NELL2: variants seen among roughly 807,000 people sequenced by gnomAD.
NELL2 encodes protein kinase C-binding protein NELL2.
In NELL2, 41 loss-of-function variants were observed where a neutral mutation model predicts 109.6. The ratio of observed to expected loss-of-function variants is 0.37; its 90% CI spans 0.29 to 0.49. The LOEUF (loss-of-function observed/expected upper bound fraction) is 0.49. NELL2 is among the 20% of genes least tolerant of loss of function. NELL2 has a pLI of 0.98. For missense variants in NELL2, 900 were observed against 1,008.3 expected, an observed-to-expected ratio of 0.89 and a Z score of 1.45; for synonymous variants, 355 against 344.7, an observed-to-expected ratio of 1.03 and a Z score of -0.33.
intron 2 of NELL2, among the ~76,000 whole-genome samples, chr12:44,853,873 C>A (rs1332050740): frequency 6.6e-6 from 1 of 152,140 alleles, no homozygotes; most frequent in East Asian, 1.9e-4. Flanking sequence ...ACAAAGTCAA[C>A]AGGCTCTCAG....
At chr12:44,912,411 A>C (rs377499) in intron 1 of NELL2, among the ~76,000 whole-genome samples, 44,885 of 151,944 alleles carry the variant, frequency 0.3, 6,983 homozygotes, top group East Asian at 0.44. Context: ...TATTTACTCT[A>C]GGACTTCTCT....
chr12:44,551,239 C>T (rs1592105261), intron 15 of NELL2, among the ~76,000 whole-genome samples: 2 of 152,164 alleles, frequency 1.3e-5, no homozygotes, highest in Non-Finnish European at 2.9e-5. Flanking sequence ...CCTAAGTAAA[C>T]TATTTAAAAT....
At chr12:44,520,254 G>C (rs994187755) in intron 18 of NELL2, 25 bp from the exon 19 acceptor site, 1 of 1,580,742 alleles carries the variant, frequency 6.3e-7, no homozygotes, top group African/African-American at 1.3e-5. Flanking sequence ...GATGTGCAAG[G>C]GCAGAGGGAG....
chr12:44,887,605 T>A (rs1945488144), intron 1 of NELL2, among the ~76,000 whole-genome samples: 1 of 151,794 alleles, frequency 6.6e-6, no homozygotes, highest in Non-Finnish European at 1.5e-5. Context: ...ACCCATTTTT[T>A]AATCAAATTA....
intron 9 of NELL2, among the ~76,000 whole-genome samples, chr12:44,745,916 A>G (rs1940318750): frequency 6.6e-6 from 1 of 152,208 alleles, no homozygotes; most frequent in Non-Finnish European, 1.5e-5. Context: ...CAAGCTACCA[A>G]TGACTTTCTT....
At chr12:44,651,408 A>AT (rs1454727146) in intron 13 of NELL2, among the ~76,000 whole-genome samples, 4 of 152,074 alleles carry the variant, frequency 2.6e-5, no homozygotes, top group Non-Finnish European at 4.4e-5. Flanking sequence ...GATCTAAACA[A>AT]TTTTTTCTGT....
chr12:44,559,248 C>A (rs199723412), intron 15 of NELL2, among the ~76,000 whole-genome samples: 65 of 150,326 alleles, frequency 4.3e-4, no homozygotes, highest in African/African-American at 6.6e-4. Context: ...AGACCATTGA[C>A]ACTATGAAGA....
At chr12:44,731,650 G>C (rs1304735751) in intron 9 of NELL2, among the ~76,000 whole-genome samples, 1 of 151,996 alleles carries the variant, frequency 6.6e-6, no homozygotes, top group African/African-American at 2.4e-5. Context: ...ATACTCAACA[G>C]TGATAAACTA....
chr12:44,896,197 C>CA (rs1461143618), intron 1 of NELL2, among the ~76,000 whole-genome samples: 1 of 152,064 alleles, frequency 6.6e-6, no homozygotes, highest in Non-Finnish European at 1.5e-5. Flanking sequence ...TGCCACTTTA[C>CA]AAAAACTCAT....
chr12:44,836,145 C>CAG (rs1461755723), intron 2 of NELL2, among the ~76,000 whole-genome samples: 3 of 152,174 alleles, frequency 2.0e-5, no homozygotes, highest in Non-Finnish European at 4.4e-5. Flanking sequence ...GAAACTAAAG[C>CAG]AGAAGAACTG....
upstream of NELL2, among the ~76,000 whole-genome samples, chr12:44,918,513 A>ATGTGTG (rs1491464728): frequency 1.1e-3 from 130 of 121,422 alleles, 2 homozygotes; most frequent in East Asian, 0.013. Flanking sequence ...TCATGCATGC[A>ATGTGTG]TGTATGTGTG....
rs369040747 is a variant in NELL2 at position 44,846,985 on chromosome 12, C to A, written c.184+28240G>T. ...GGACTTCTGAAAGTGGCTTTTTAAGCTCACTTGTGGGAGTGTTACAGAGAG... is the reference window on the plus strand; with the variant it reads ...GGACTTCTGAAAGTGGCTTTTTAAGATCACTTGTGGGAGTGTTACAGAGAG... On this transcript the variant is annotated intron_variant, in intron 2 of 19. Coordinates refer to ENST00000429094, the MANE Select transcript of NELL2 (RefSeq NM_001145108.2). Among the ~76,000 whole-genome samples the A allele has an allele frequency of 1.5e-3, 232 of 152,322 alleles. 1 individual carries two copies. The highest frequency in any genetic ancestry group is 5.5e-3 in the African/African-American group (227 of 41,578).
chr12:44,605,501 T>C (rs561814930), intron 15 of NELL2, among the ~76,000 whole-genome samples: 2 of 152,290 alleles, frequency 1.3e-5, no homozygotes, highest in African/African-American at 4.8e-5. Context: ...TCAAGTATAA[T>C]GAAATAGAGA....
intron 2 of NELL2, among the ~76,000 whole-genome samples, chr12:44,830,485 T>A (rs1943852037): frequency 6.6e-6 from 1 of 152,130 alleles, no homozygotes; most frequent in South Asian, 2.1e-4. Flanking sequence ...TTTCTATGAG[T>A]ATTTTCACTG....
intron 15 of NELL2, among the ~76,000 whole-genome samples, chr12:44,566,539 A>T (rs1450155950): frequency 1.2e-5 from 1 of 82,002 alleles, no homozygotes; most frequent in Non-Finnish European, 2.4e-5. Context: ...ATACTCACAC[A>T]CACACACACA....
rs553024160 is a variant in NELL2, at chr12:44,907,511, C to T, written c.38+6288G>A. On this transcript the variant is annotated intron_variant, in intron 1 of 20. Coordinates refer to the NELL2 transcript ENST00000333837. ...TTAGCAATATGGGAGTAATTGGTTA[C>T]CTTGGCCAGAAATATTTCAGTTGAA... 2.6e-5 allele frequency among the ~76,000 whole-genome samples: 4 copies of T among 152,134 alleles called. No individual in the cohort carries two copies. The South Asian group carries it at 6.2e-4, about 24-fold the overall frequency.
chr12:44,747,063 C>T (rs183884897), intron 9 of NELL2, among the ~76,000 whole-genome samples: 8,175 of 152,024 alleles, frequency 0.054, 689 homozygotes, highest in African/African-American at 0.18. Flanking sequence ...TGTCCAACAA[C>T]GATAGACTGG....
At chr12:44,872,451 T>C (rs979158563) in intron 2 of NELL2, among the ~76,000 whole-genome samples, 1 of 152,154 alleles carries the variant, frequency 6.6e-6, no homozygotes, top group Non-Finnish European at 1.5e-5. Context: ...CATATGACTT[T>C]AAAATATATT....
At chr12:44,570,078 T>C (rs1831119333) in intron 15 of NELL2, among the ~76,000 whole-genome samples, 1 of 152,202 alleles carries the variant, frequency 6.6e-6, no homozygotes, top group Non-Finnish European at 1.5e-5. Context: ...AAGTACCCTG[T>C]CTATGGAAAA....
Sources: gnomAD v4.1 joint callset for allele counts (sites outside exome capture counted in the v4.1 genomes callset) on GRCh38, gnomAD v4.1.1 for gene constraint, MANE v1.5 for transcripts, NCBI Gene and HGNC (gene_info 2026-07-23, HGNC 2026-07-21) for gene names.